ASAP3: variants seen among roughly 807,000 people sequenced by gnomAD.
ASAP3 encodes the protein arf-GAP with SH3 domain, ANK repeat and PH domain-containing protein 3.
ASAP3 carries 85 observed loss-of-function variants against 118.2 expected under a neutral mutation model. The ratio of observed to expected loss-of-function variants is 0.72; its 90% CI spans 0.60 to 0.86. The LOEUF is 0.86. ASAP3 is among the 40% of genes least tolerant of loss of function. ASAP3 has a pLI of 0.00. For missense variants in ASAP3, 1,026 were observed against 1,175.0 expected, an observed-to-expected ratio of 0.87 and a Z score of 1.85; for synonymous variants, 432 against 477.4, an observed-to-expected ratio of 0.90 and a Z score of 1.24.
At chr1:23,441,039 C>G in intron 10 of ASAP3, 63 bp downstream of exon 10, 7 of 1,492,224 alleles carry the variant, frequency 4.7e-6, no homozygotes, top group Admixed American at 1.7e-5. Context: ...GGCAGCTTCC[C>G]CAACCCTGTC....
rs1022018668 is a variant in ASAP3 at position 23,437,525 on chromosome 1, G to A, written c.1103-53C>T. On this transcript the variant is annotated intron_variant, in intron 12 of 24. Transcript: ENST00000336689. This position sits in a 1 kb window ranked among gnomAD's most constrained non-coding sequence, Gnocchi z 6.1. ...CCACAGAAATGCTGCTGGCCTTCCC[G>A]GAGCCCAGGGAGCCCCCACCAAAGC... 4.4e-6 allele frequency: 7 copies of A among 1,603,394 alleles called. No homozygotes were observed. The highest frequency in any genetic ancestry group is 4.0e-5 in the African/African-American group (3 of 74,600).
intron 1 of ASAP3, among the ~76,000 whole-genome samples, chr1:23,463,040 G>A (rs1410394004): frequency 8.5e-5 from 13 of 152,274 alleles, no homozygotes; most frequent in Non-Finnish European, 1.8e-4. Flanking sequence ...AAAATGGTAG[G>A]ACTGCCAGGA....
In ASAP3 at chr1:23,484,148, T is replaced by A; in HGVS notation, c.-15A>T. ...TGCTCCGGCATGGCGGGCGCGAGCG[T>A]GGAGCTGCCGGAGCGGGGCGCGGGG... On this transcript the variant is annotated 5_prime_UTR_variant, in exon 1 of 25. Coordinates refer to ENST00000336689, the MANE Select transcript of ASAP3 (RefSeq NM_017707.4). 7.9e-7 allele frequency: 1 copy of A among 1,260,570 alleles called. No individual in the cohort carries two copies. The highest frequency in any genetic ancestry group is 1.0e-6 in the Non-Finnish European group (1 of 1,004,494). 78.1% of individuals were successfully genotyped at this position (1,260,570 alleles called of 1,614,324 possible). A position where few individuals can be genotyped will look rare whatever the true frequency, so the allele number is the denominator to read the frequency against.
chr1:23,484,165 G>GCGCGGGGCTGCCGGAGCGGA lies in ASAP3; in HGVS notation c.-33_-32insTCCGCTCCGGCAGCCCCGCG. On this transcript the variant is annotated 5_prime_UTR_variant, in exon 1 of 25. Transcript: ENST00000336689. ...CGCGAGCGTGGAGCTGCCGGAGCGG[G>GCGCGGGGCTGCCGGAGCGGA]GCGCGGGGGGCACTGAGCTGCTCCG... is the stretch of plus-strand genomic sequence containing the variant. 8.0e-7 allele frequency: 1 copy of GCGCGGGGCTGCCGGAGCGGA among 1,246,922 alleles called. No homozygotes were observed. 77.2% of individuals were successfully genotyped at this position (1,246,922 alleles called of 1,614,324 possible).
chr1:23,436,034 A>G lies in ASAP3; in HGVS notation c.1572-6T>C. 1 of 1,613,590 alleles carries G rather than the reference A, an allele frequency of 6.2e-7. No individual in the cohort carries two copies. Among genetic ancestry groups the G allele is most frequent in the Non-Finnish European group, 8.5e-7 (1 of 1,179,520 alleles). On this transcript the variant is annotated splice_region_variant and splice_polypyrimidine_tract_variant and intron_variant, in intron 16 of 24. Transcript: ENST00000336689. The surrounding 1 kb of genome is among the most constrained non-coding windows in gnomAD (Gnocchi z 4.2). Reference sequence around the variant, plus strand: ...TGTAGTCCCTGCGGGTGCCCCTACCAAAAACAACCACAGGATCTCAGAGCA... The same window carrying G: ...TGTAGTCCCTGCGGGTGCCCCTACCGAAAACAACCACAGGATCTCAGAGCA...
chr1:23,451,663 G>C, intron 4 of ASAP3, 135 bp from the exon 5 acceptor site: 2 of 939,682 alleles, frequency 2.1e-6, no homozygotes, highest in Non-Finnish European at 3.3e-6. Flanking sequence ...ACCAGCCCCT[G>C]CCCCCACAGT....
chr1:23,437,116 C>A lies in ASAP3; in HGVS notation c.1342+14G>T. On this transcript the variant is annotated intron_variant, in intron 14 of 24. Transcript: ENST00000336689. This position sits in a 1 kb window ranked among gnomAD's most constrained non-coding sequence, Gnocchi z 6.1. Reference sequence around the variant, plus strand: ...CACTTAAGCCTCCCTCCTGCCCCGGCCCCGGGGACCGACCTGCAGCCCCGC... The same window carrying A: ...CACTTAAGCCTCCCTCCTGCCCCGGACCCGGGGACCGACCTGCAGCCCCGC... 6.2e-7 allele frequency: 1 copy of A among 1,600,962 alleles called. No homozygotes were observed. Among genetic ancestry groups the A allele is most frequent in the Non-Finnish European group, 8.5e-7 (1 of 1,173,284 alleles).
intron 17 of ASAP3, 140 bp downstream of exon 17, chr1:23,435,711 T>C (rs767538511): frequency 2.6e-5 from 26 of 1,015,444 alleles, no homozygotes; most frequent in Non-Finnish European, 3.5e-5. Flanking sequence ...AGCTGTGCTC[T>C]TTCCCACTTA....
Position 23,431,816 on chromosome 1 carries a change from C to T in ASAP3, c.2426G>A (p.Gly809Glu). The change falls in exon 23 of 25, where the codon GGG becomes GAG. Residue 809 changes from glycine (G) to glutamate (E), a missense_variant. By Grantham distance (98) the Gly-to-Glu change is moderately conservative (BLOSUM62 -2). Transcript: ENST00000336689. ...SSSLMSPLEP[G>E]DPSQAPPNSE... ...GTTGGGTGGGGCTTGGCTGGGATCC[C>T]CAGGTTCCAAGGGGCTCATCAGACT... 6.4e-7 allele frequency: 1 copy of T among 1,563,056 alleles called. No homozygotes were observed. The highest frequency in any genetic ancestry group is 8.6e-7 in the Non-Finnish European group (1 of 1,161,178).
rs546014683 is a variant in ASAP3 at position 23,456,040 on chromosome 1, G to A, written c.203-14C>T. ...TCTCCACATGGCCTGTGGAGGTACA[G>A]ACGGGAGCTTGGAGTTAGCTCCAGG... On this transcript the variant is annotated splice_polypyrimidine_tract_variant and intron_variant, in intron 2 of 24. Coordinates refer to ENST00000336689, the MANE Select transcript of ASAP3 (RefSeq NM_017707.4). The A allele has an allele frequency of 1.2e-6, 2 of 1,614,144 alleles. No individual in the cohort carries two copies. The highest frequency in any genetic ancestry group is 4.5e-5 in the East Asian group (2 of 44,878).
chr1:23,430,758 A>C (rs1366324989), intron 24 of ASAP3, among the ~76,000 whole-genome samples: 3 of 152,116 alleles, frequency 2.0e-5, no homozygotes, highest in Non-Finnish European at 4.4e-5. Context: ...TGGAGCATGG[A>C]AAGAGGAGCA....
At chr1:23,455,156 G>A (rs1364751337) in intron 3 of ASAP3, among the ~76,000 whole-genome samples, 1 of 152,226 alleles carries the variant, frequency 6.6e-6, no homozygotes, top group Non-Finnish European at 1.5e-5. Context: ...CCTCGGGCAA[G>A]CTGCTTAACC....
chr1:23,445,918 G>A (rs1641033012), intron 5 of ASAP3, among the ~76,000 whole-genome samples: 1 of 151,978 alleles, frequency 6.6e-6, no homozygotes, highest in Non-Finnish European at 1.5e-5. Flanking sequence ...GGAGTTCAAG[G>A]CTGCAGTGAG....
chr1:23,476,719 C>T (rs1476925267), intron 1 of ASAP3, among the ~76,000 whole-genome samples: 1 of 152,230 alleles, frequency 6.6e-6, no homozygotes, highest in African/African-American at 2.4e-5. Flanking sequence ...TGCCACTCTT[C>T]CCTTTGCCCA....
At chr1:23,431,582 G>A (rs1450154384) in intron 23 of ASAP3, 114 bp downstream of exon 23, 12 of 1,025,652 alleles carry the variant, frequency 1.2e-5, no homozygotes, top group Non-Finnish European at 1.7e-5. Flanking sequence ...GATGGGCCCA[G>A]AGATGGCGTG....
rs558254620 is a variant in ASAP3, at chr1:23,436,821, T to A, written c.1476+90A>T. On this transcript the variant is annotated intron_variant, in intron 15 of 24. Transcript: ENST00000336689. This position sits in a 1 kb window ranked among gnomAD's most constrained non-coding sequence, Gnocchi z 4.2. Reference sequence around the variant, plus strand: ...CTTGTCCCAGCCCACCTCGGCCAGGTCCCACCCACAACCTGCAAGCCCCGC... The same window carrying A: ...CTTGTCCCAGCCCACCTCGGCCAGGACCCACCCACAACCTGCAAGCCCCGC... 1 of 1,546,570 alleles carries A rather than the reference T, an allele frequency of 6.5e-7. No individual in the cohort carries two copies. Among genetic ancestry groups the A allele is most frequent in the East Asian group, 2.3e-5 (1 of 43,620 alleles).
Position 23,454,455 on chromosome 1 carries a change from G to C in ASAP3, c.348+1426C>G, listed in dbSNP as rs1362789597. 3.9e-5 allele frequency among the ~76,000 whole-genome samples: 6 copies of C among 152,206 alleles called. No homozygotes were observed. The East Asian group carries it at 9.7e-4, about 24-fold the overall frequency. ...CCCACCTTGGCCTCCCAAAGTGCTGGGATTACAGGCGTGAGCCACCGCACC... is the reference window on the plus strand; with the variant it reads ...CCCACCTTGGCCTCCCAAAGTGCTGCGATTACAGGCGTGAGCCACCGCACC... On this transcript the variant is annotated intron_variant, in intron 3 of 24. Coordinates refer to ENST00000336689, the MANE Select transcript of ASAP3 (RefSeq NM_017707.4).
intron 1 of ASAP3, among the ~76,000 whole-genome samples, chr1:23,471,682 G>A (rs953562543): frequency 2.0e-5 from 3 of 152,178 alleles, no homozygotes; most frequent in African/African-American, 7.2e-5. Flanking sequence ...TTCTCTGATA[G>A]ATGTTCCCCA....
chr1:23,461,492 G>C (rs1641583916), intron 1 of ASAP3, among the ~76,000 whole-genome samples: 1 of 151,996 alleles, frequency 6.6e-6, no homozygotes, highest in East Asian at 1.9e-4. Context: ...CATAGTGAGA[G>C]TCTGTCTCTA....
Sources: gnomAD v4.1 joint callset for allele counts (sites outside exome capture counted in the v4.1 genomes callset) on GRCh38, gnomAD v4.1.1 for gene constraint, Gnocchi (gnomAD v3.1) non-coding constraint, MANE v1.5 for transcripts, NCBI Gene and HGNC (gene_info 2026-07-23, HGNC 2026-07-21) for gene names.